Variants in KCNIP1 observed in about 807,000 individuals in gnomAD.
The protein encoded by KCNIP1 is potassium voltage-gated channel interacting protein 1.
KCNIP1 carries 18 observed loss-of-function variants against 33.0 expected under a neutral mutation model. The ratio of observed to expected loss-of-function variants is 0.55; its 90% CI spans 0.38 to 0.81. KCNIP1 has a LOEUF of 0.81. KCNIP1 is among the 30% of genes least tolerant of loss of function. The pLI is 0.00. For missense variants in KCNIP1, 238 were observed against 271.6 expected, an observed-to-expected ratio of 0.88 and a Z score of 0.87; for synonymous variants, 93 against 98.3, an observed-to-expected ratio of 0.95 and a Z score of 0.32.
chr5:170,710,929 C>A (rs1763422832), intron 1 of KCNIP1, among the ~76,000 whole-genome samples: 1 of 152,210 alleles, frequency 6.6e-6, no homozygotes, highest in African/African-American at 2.4e-5. Context: ...AACATGTCAA[C>A]ACTGTTTTGA....
At chr5:170,462,704 G>A (rs899222953) in intron 1 of KCNIP1, among the ~76,000 whole-genome samples, 7 of 152,166 alleles carry the variant, frequency 4.6e-5, no homozygotes, top group Non-Finnish European at 8.8e-5. Flanking sequence ...AGCACAATTC[G>A]CAATTGTAAA....
At chr5:170,397,871 G>C (rs765600634) in intron 1 of KCNIP1, among the ~76,000 whole-genome samples, 1 of 152,130 alleles carries the variant, frequency 6.6e-6, no homozygotes, top group Non-Finnish European at 1.5e-5. Context: ...AGTCCAGAAA[G>C]GTGGGACAAC....
chr5:170,598,904 C>CGTGTGCGCGTGT (rs1758570711), intron 1 of KCNIP1, among the ~76,000 whole-genome samples: 3 of 133,776 alleles, frequency 2.2e-5, no homozygotes, highest in African/African-American at 8.7e-5. Context: ...TGTGTGTGCG[C>CGTGTGCGCGTGT]GTGTGTGTGT....
intron 1 of KCNIP1, among the ~76,000 whole-genome samples, chr5:170,648,175 G>A (rs1028536827): frequency 3.3e-5 from 5 of 152,202 alleles, no homozygotes; most frequent in South Asian, 2.1e-4. Context: ...TCAGTGCTTC[G>A]TGGGACTGTG....
At chr5:170,710,730 T>C (rs1277622766) in intron 1 of KCNIP1, among the ~76,000 whole-genome samples, 1 of 152,236 alleles carries the variant, frequency 6.6e-6, no homozygotes, top group Non-Finnish European at 1.5e-5. Context: ...ATTCCACCCC[T>C]GCATAGGAGA....
intron 1 of KCNIP1, among the ~76,000 whole-genome samples, chr5:170,545,666 A>G (rs1363412018): frequency 1.3e-5 from 2 of 151,994 alleles, no homozygotes; most frequent in African/African-American, 4.8e-5. Context: ...AAACCCATAT[A>G]GTAAGTTTGT....
intron 1 of KCNIP1, among the ~76,000 whole-genome samples, chr5:170,516,112 G>A (rs1755111311): frequency 6.6e-6 from 1 of 152,196 alleles, no homozygotes; most frequent in South Asian, 2.1e-4. Context: ...GGCTGTCCAT[G>A]TTCAGGAGAA....
At chr5:170,437,671 T>A (rs1755896278) in intron 1 of KCNIP1, among the ~76,000 whole-genome samples, 1 of 152,008 alleles carries the variant, frequency 6.6e-6, no homozygotes, top group South Asian at 2.1e-4. Flanking sequence ...ACCCTCCCCT[T>A]CAAAGCGGGA....
chr5:170,406,262 T>C (rs1334983996), intron 1 of KCNIP1, among the ~76,000 whole-genome samples: 2 of 152,140 alleles, frequency 1.3e-5, no homozygotes, highest in Non-Finnish European at 2.9e-5. Context: ...GATCCGTGGG[T>C]CTGGAAGTTA....
chr5:170,543,700 C>A (rs923440687), intron 1 of KCNIP1, among the ~76,000 whole-genome samples: 1 of 152,232 alleles, frequency 6.6e-6, no homozygotes, highest in Non-Finnish European at 1.5e-5. Flanking sequence ...CTTTGAAGCA[C>A]CTGACAACTT....
At chr5:170,531,410 A>G (rs1387982011) in intron 1 of KCNIP1, among the ~76,000 whole-genome samples, 1 of 152,164 alleles carries the variant, frequency 6.6e-6, no homozygotes, top group Non-Finnish European at 1.5e-5. Context: ...AGGACCACCA[A>G]TGAGGTGGTG....
At chr5:170,730,256 C>T (rs1029967068) in intron 5 of KCNIP1, among the ~76,000 whole-genome samples, 1 of 152,090 alleles carries the variant, frequency 6.6e-6, no homozygotes, top group Non-Finnish European at 1.5e-5. Flanking sequence ...TGGTCTTCAA[C>T]TTTGGTTCAC....
intron 1 of KCNIP1, among the ~76,000 whole-genome samples, chr5:170,363,281 C>G (rs1448981477): frequency 6.6e-6 from 1 of 152,224 alleles, no homozygotes; most frequent in East Asian, 1.9e-4. Flanking sequence ...TCACTTCTGT[C>G]ACAGACTGAA....
rs111942720 is a variant in KCNIP1, at chr5:170,444,699, TAAAA to T, written c.88+90747_88+90750del. On this transcript the variant is annotated intron_variant, in intron 1 of 7. Transcript: ENST00000377360. ...CTACAAATTATATTTTTTCTTTTTT[TAAAA>T]AAAAAAAAAAACCTTCTTCCCCAAG... Among the ~76,000 whole-genome samples, 688 of 146,334 alleles carry T rather than the reference TAAAA, an allele frequency of 4.7e-3. 6 individuals carry two copies. Among genetic ancestry groups the T allele is most frequent in the South Asian group, 0.022 (101 of 4,600 alleles).
In KCNIP1 at chr5:170,681,057, G is replaced by C. The variant is rs113150504; in HGVS notation, c.62-37701G>C. ...CGCCTAGCGCTTGCCGGTGCGCCAG[G>C]GTGCTGTGAGGATGTGGGCAGAGGG... On this transcript the variant is annotated intron_variant, in intron 1 of 7. Coordinates refer to ENST00000328939, the MANE Select transcript of KCNIP1 (RefSeq NM_014592.4). The C allele has an allele frequency of 2.2e-3, 897 of 399,538 alleles. 7 individuals are homozygous for C. The highest frequency in any genetic ancestry group is 0.015 in the African/African-American group (724 of 48,734). 24.7% of individuals were successfully genotyped at this position (399,538 alleles called of 1,614,324 possible).
At chr5:170,452,730 C>T (rs1295206536) in intron 1 of KCNIP1, among the ~76,000 whole-genome samples, 1 of 152,188 alleles carries the variant, frequency 6.6e-6, no homozygotes, top group African/African-American at 2.4e-5. Flanking sequence ...CGAACTGTTA[C>T]TCTCTGTCAG....
rs62394316 is a variant in KCNIP1 at position 170,594,888 on chromosome 5, G to A, written c.61+90255G>A. Among the ~76,000 whole-genome samples the A allele has an allele frequency of 3.3e-3, 510 of 152,304 alleles. 2 individuals are homozygous for A. The highest frequency in any genetic ancestry group is 0.01 in the Middle Eastern group (3 of 294). On this transcript the variant is annotated intron_variant, in intron 1 of 7. Transcript: ENST00000328939. ...AGTTATGGAAAGTAGGGCCTTCCAC[G>A]GTGTCTGCATGTGGCAAACATTACC...
At chr5:170,440,638 T>C (rs1021348712) in intron 1 of KCNIP1, among the ~76,000 whole-genome samples, 11 of 152,144 alleles carry the variant, frequency 7.2e-5, no homozygotes, top group African/African-American at 2.7e-4. Context: ...CAGGCGAGTA[T>C]GACACAGGAT....
At chr5:170,417,029 GTATAAA>G (rs1755349316) in intron 1 of KCNIP1, among the ~76,000 whole-genome samples, 1 of 152,194 alleles carries the variant, frequency 6.6e-6, no homozygotes, top group African/African-American at 2.4e-5. Flanking sequence ...GCCTAAGGAG[GTATAAA>G]TATTTAGTTA....
Sources: allele counts gnomAD v4.1 joint callset (sites outside exome capture counted in the v4.1 genomes callset), GRCh38; gene constraint gnomAD v4.1.1; transcripts MANE v1.5; gene names NCBI Gene and HGNC (gene_info 2026-07-23, HGNC 2026-07-21).